IRF5: variants seen among roughly 807,000 people sequenced by gnomAD.
IRF5 encodes the protein interferon regulatory factor 5.
In IRF5, 24 loss-of-function variants were observed where a neutral mutation model predicts 55.1. The observed-to-expected ratio is 0.44, with a 90% CI of 0.32 to 0.61. The LOEUF (loss-of-function observed/expected upper bound fraction) is 0.61. Ranked by LOEUF, IRF5 falls within the 20% of genes least tolerant of loss-of-function variation. The pLI is 0.07. For missense variants in IRF5, 499 were observed against 658.5 expected (o/e 0.76, Z 2.65); for synonymous variants, 258 against 260.2 (o/e 0.99, Z 0.08).
Position 128,947,221 on chromosome 7 carries a change from T to A in IRF5, c.482-9T>A, listed in dbSNP as rs763853916. Reference sequence around the variant, plus strand: ...GGCACTGACAGCCGTCCACACGCACTCTCTGTAGATGCAGTGCAGTCTGGC... The same window carrying A: ...GGCACTGACAGCCGTCCACACGCACACTCTGTAGATGCAGTGCAGTCTGGC... On this transcript the variant is annotated splice_polypyrimidine_tract_variant and intron_variant, in intron 5 of 8. Transcript: ENST00000357234. This position sits in a 1 kb window ranked among gnomAD's most constrained non-coding sequence, Gnocchi z 6.5. 1.3e-6 allele frequency: 2 copies of A among 1,599,224 alleles called. No homozygotes were observed. The highest frequency in any genetic ancestry group is 4.5e-5 in the East Asian group (2 of 44,732).
Position 128,948,777 on chromosome 7 carries a change from G to A in IRF5, c.1504G>A (p.Gly502Ser), listed in dbSNP as rs145965576. The change falls in exon 9 of 9, where the codon GGC becomes AGC. Residue 502 changes from glycine (G) to serine (S), a missense_variant. Coordinates refer to ENST00000357234, the MANE Select transcript of IRF5 (RefSeq NM_001098629.3). The surrounding 1 kb of genome is among the most constrained non-coding windows in gnomAD (Gnocchi z 4.6). Reference sequence around the variant, plus strand: ...CCCTCCTGGAGCAGGCCTTGGTGTTGGCCAGGGGCCCTGGCCTATGCACCC... The same window carrying A: ...CCCTCCTGGAGCAGGCCTTGGTGTTAGCCAGGGGCCCTGGCCTATGCACCC... Reference protein sequence around the residue: ...QAPPGAGLGVGQGPWPMHPAG... With the variant: ...QAPPGAGLGVSQGPWPMHPAG... 245 of 1,609,442 alleles carry A rather than the reference G, an allele frequency of 1.5e-4. No homozygotes were observed. In the African/African-American group the frequency reaches 3.1e-3, roughly 20 times the overall value.
In IRF5 at chr7:128,947,758, C is replaced by CG; in HGVS notation, c.822dup (p.Arg275AlafsTer45). On this transcript the variant is annotated frameshift_variant, in exon 7 of 9. Transcript: ENST00000357234. LOFTEE classifies it high-confidence loss of function. The surrounding 1 kb of genome is among the most constrained non-coding windows in gnomAD (Gnocchi z 6.5). ...CGACCTGGAGATCAAGTTTCAGTAC[C>CG]GGGGGCGGCCACCCCGGGCCCTCAC... 2 of 1,611,134 alleles carry CG rather than the reference C, an allele frequency of 1.2e-6. No homozygotes were observed. Among genetic ancestry groups the CG allele is most frequent in the Non-Finnish European group, 1.7e-6 (2 of 1,179,312 alleles).
chr7:128,944,510 T>A (rs2128961740), intron 2 of IRF5, among the ~76,000 whole-genome samples: 1 of 152,320 alleles, frequency 6.6e-6, no homozygotes, highest in Non-Finnish European at 1.5e-5. Context: ...AGTCACAAAA[T>A]TCAACATTAA....
At chr7:128,938,467 A>G (rs1277323602) in intron 1 of IRF5, among the ~76,000 whole-genome samples, 1 of 152,162 alleles carries the variant, frequency 6.6e-6, no homozygotes, top group Admixed American at 6.5e-5. Context: ...TGGACCACAG[A>G]GGAGCGAGGC....
In IRF5 at chr7:128,948,632, A is replaced by G. The variant is rs1796460682; in HGVS notation, c.1359A>G (p.Ser453=). The G allele has an allele frequency of 1.2e-6, 2 of 1,614,180 alleles. No homozygotes were observed. The highest frequency in any genetic ancestry group is 4.5e-5 in the East Asian group (2 of 44,876). ...LEMFSGELSW[S]ADSIRLQISN... ...TGTTCTCAGGGGAGCTATCTTGGTC[A>G]GCTGATAGTATCCGGCTACAGATCT... The change falls in exon 9 of 9, where the codon TCA becomes TCG. Residue 453 remains serine (S), a synonymous_variant. Transcript: ENST00000357234. This position sits in a 1 kb window ranked among gnomAD's most constrained non-coding sequence, Gnocchi z 4.6.
At position 128,946,055 on chromosome 7, in the gene IRF5, T is replaced by A; in HGVS notation, c.385+21T>A. ...CACAGGTATCAGGCCTAGCCCTCTGTGGGCCACCTGGGAGGCTGTGCAATG... is the reference window on the plus strand; with the variant it reads ...CACAGGTATCAGGCCTAGCCCTCTGAGGGCCACCTGGGAGGCTGTGCAATG... On this transcript the variant is annotated intron_variant, in intron 3 of 8. Coordinates refer to ENST00000357234, the MANE Select transcript of IRF5 (RefSeq NM_001098629.3). This position sits in a 1 kb window ranked among gnomAD's most constrained non-coding sequence, Gnocchi z 4.2. 1 of 1,557,152 alleles carries A rather than the reference T, an allele frequency of 6.4e-7. No individual in the cohort carries two copies. Among genetic ancestry groups the A allele is most frequent in the East Asian group, 2.3e-5 (1 of 43,874 alleles).
rs1223589988 is a variant in IRF5, at chr7:128,949,409, TA to T, written c.*592del. ...ACAGACTCAGCTGTTTCTTTCCTTT[TA>T]CTACTACCAGTTGCTCCCATGCTGC... is the stretch of plus-strand genomic sequence containing the variant. On this transcript the variant is annotated 3_prime_UTR_variant, in exon 9 of 9. Coordinates refer to ENST00000357234, the MANE Select transcript of IRF5 (RefSeq NM_001098629.3). 3.3e-5 allele frequency: 5 copies of T among 152,380 alleles called. No homozygotes were observed. Among genetic ancestry groups the T allele is most frequent in the African/African-American group, 1.2e-4 (5 of 41,472 alleles). The allele number at this position is 152,380 out of a possible 1,614,324, so 9.4% of individuals were successfully genotyped here.
chr7:128,947,044 C>G lies in IRF5; in HGVS notation c.469C>G (p.Leu157Val). 6.2e-7 allele frequency: 1 copy of G among 1,614,128 alleles called. No individual in the cohort carries two copies. Among genetic ancestry groups the G allele is most frequent in the Non-Finnish European group, 8.5e-7 (1 of 1,180,008 alleles). ...EEELQRMLPS[L>V]SLTDAVQSGP... ...TCAGCTGCAGAGGATGTTGCCAAGC[C>G]TGAGCCTCACAGGTGGGGCCGGGAG... Residue 157 changes from leucine (L) to valine (V), a missense_variant, in exon 5 of 9, where the codon CTG becomes GTG. This residue lies in a region of IRF5 where 305 missense variants were observed against 340.2 expected (regional missense o/e 0.90). Coordinates refer to ENST00000357234, the MANE Select transcript of IRF5 (RefSeq NM_001098629.3). The surrounding 1 kb of genome is among the most constrained non-coding windows in gnomAD (Gnocchi z 6.5).
chr7:128,941,843 G>A (rs1796039131), intron 1 of IRF5, among the ~76,000 whole-genome samples: 1 of 152,166 alleles, frequency 6.6e-6, no homozygotes, highest in Non-Finnish European at 1.5e-5. Flanking sequence ...AAGGGCACCT[G>A]GGGCCGCGCC....
rs768458176 is a variant in IRF5 at position 128,948,322 on chromosome 7, T to C, written c.1293T>C (p.Thr431=). The C allele has an allele frequency of 6.2e-6, 10 of 1,601,764 alleles. No homozygotes were observed. Among genetic ancestry groups the C allele is most frequent in the South Asian group, 2.2e-5 (2 of 89,394 alleles). Residue 431 remains threonine (T), a synonymous_variant, in exon 8 of 9, where the codon ACT becomes ACC. Coordinates refer to ENST00000357234, the MANE Select transcript of IRF5 (RefSeq NM_001098629.3). This position sits in a 1 kb window ranked among gnomAD's most constrained non-coding sequence, Gnocchi z 4.6. The stretch of plus-strand genomic sequence containing the variant: ...AACCCCGAGAGAAGAAGCTCATTAC[T>C]GTACAGGTACATCTCCCCTATCCCA... ...DRKPREKKLI[T]VQVVPVAARL...
In IRF5 at chr7:128,949,678, AG is replaced by A. The variant is rs1395514227; in HGVS notation, c.*861del. 1 of 152,278 alleles carries A rather than the reference AG, an allele frequency of 6.6e-6. No individual in the cohort carries two copies. Among genetic ancestry groups the A allele is most frequent in the African/African-American group, 2.4e-5 (1 of 41,474 alleles). The allele number at this position is 152,278 out of a possible 1,614,324, so 9.4% of individuals were successfully genotyped here. ...CAGTTTTCCCATAAAAGGGTGGGCT[AG>A]CATTGCAGCTGCATTTGGGACCATT... On this transcript the variant is annotated 3_prime_UTR_variant, in exon 9 of 9. Transcript: ENST00000357234.
At position 128,946,179 on chromosome 7, in the gene IRF5, T is replaced by C; in HGVS notation, c.385+145T>C. The C allele has an allele frequency of 1.2e-6, 1 of 810,778 alleles. No individual in the cohort carries two copies. 50.2% of individuals were successfully genotyped at this position (810,778 alleles called of 1,614,324 possible). On this transcript the variant is annotated intron_variant, in intron 3 of 8. Coordinates refer to ENST00000357234, the MANE Select transcript of IRF5 (RefSeq NM_001098629.3). This position sits in a 1 kb window ranked among gnomAD's most constrained non-coding sequence, Gnocchi z 4.2. ...CGATGCGGGGGCTCCCGCTAGGTCA[T>C]GACACCCAGGGCTTCCAGGAGTGGC...
intron 1 of IRF5, 78 bp downstream of exon 1, chr7:128,938,127 A>T (rs1252621496): frequency 3.9e-5 from 6 of 151,912 alleles, no homozygotes; most frequent in Non-Finnish European, 8.8e-5. Flanking sequence ...GGTGCCGGCT[A>T]CTGCCCCCAA....
At position 128,946,815 on chromosome 7, in the gene IRF5, A is replaced by T; in HGVS notation, c.448-208A>T. Reference sequence around the variant, plus strand: ...GTAGGTCTGACTCCCTGCAGAAGGCAAATGAGGAAAGTGAGGCAAAGGGCT... The same window carrying T: ...GTAGGTCTGACTCCCTGCAGAAGGCTAATGAGGAAAGTGAGGCAAAGGGCT... On this transcript the variant is annotated intron_variant, in intron 4 of 8. Transcript: ENST00000357234. The surrounding 1 kb of genome is among the most constrained non-coding windows in gnomAD (Gnocchi z 4.2). 1 of 678,444 alleles carries T rather than the reference A, an allele frequency of 1.5e-6. No individual in the cohort carries two copies. Among genetic ancestry groups the T allele is most frequent in the South Asian group, 1.8e-5 (1 of 55,942 alleles). 42.0% of individuals were successfully genotyped at this position (678,444 alleles called of 1,614,324 possible).
At position 128,946,550 on chromosome 7, in the gene IRF5, A is replaced by G; in HGVS notation, c.435A>G (p.Glu145=). ...DYSFGAGEEE[E]EEEELQRMLP... ...CTTTTGGTGCAGGAGAGGAGGAGGA[A>G]GAAGAGGAAGAGGTGAGTGTGGGTT... The change falls in exon 4 of 9, where the codon GAA becomes GAG. Residue 145 remains glutamate, a synonymous_variant. Coordinates refer to ENST00000357234, the MANE Select transcript of IRF5 (RefSeq NM_001098629.3). The surrounding 1 kb of genome is among the most constrained non-coding windows in gnomAD (Gnocchi z 4.2). 6.2e-7 allele frequency: 1 copy of G among 1,602,890 alleles called. No homozygotes were observed. Among genetic ancestry groups the G allele is most frequent in the Non-Finnish European group, 8.5e-7 (1 of 1,173,726 alleles).
At chr7:128,945,072 G>T (rs1796227838) in intron 2 of IRF5, among the ~76,000 whole-genome samples, 1 of 152,172 alleles carries the variant, frequency 6.6e-6, no homozygotes. Flanking sequence ...TCTCGAGCCT[G>T]TCCTATGTGC....
rs1459751179 is a variant in IRF5, at chr7:128,948,982, C to T, written c.*164C>T. The T allele has an allele frequency of 1.2e-6, 1 of 816,244 alleles. No individual in the cohort carries two copies. The highest frequency in any genetic ancestry group is 1.9e-6 in the Non-Finnish European group (1 of 533,926). The allele number at this position is 816,244 out of a possible 1,614,324, so 50.6% of individuals were successfully genotyped here. The stretch of plus-strand genomic sequence containing the variant: ...AGGAGAGGGAGAAAGGCCCGAGCCC[C>T]TGCCTTCCCGGGCCTTTCTCTCCTG... On this transcript the variant is annotated 3_prime_UTR_variant, in exon 9 of 9. Transcript: ENST00000357234. The surrounding 1 kb of genome is among the most constrained non-coding windows in gnomAD (Gnocchi z 4.6).
rs1382042040 is a variant in IRF5, at chr7:128,948,299, C to T, written c.1270C>T (p.Pro424Ser). ...TGGGGAAGAATGGCCTGACCGCAAA[C>T]CCCGAGAGAAGAAGCTCATTACTGT... is the stretch of plus-strand genomic sequence containing the variant. ...CFGEEWPDRK[P>S]REKKLITVQV... Residue 424 changes from proline to serine, a missense_variant, in exon 8 of 9, where the codon CCC becomes TCC. By Grantham distance (74) the Pro-to-Ser change is moderately conservative. Transcript: ENST00000357234. This position sits in a 1 kb window ranked among gnomAD's most constrained non-coding sequence, Gnocchi z 4.6. 4 of 1,610,536 alleles carry T rather than the reference C, an allele frequency of 2.5e-6. No individual in the cohort carries two copies. The highest frequency in any genetic ancestry group is 3.4e-6 in the Non-Finnish European group (4 of 1,178,908).
In IRF5 at chr7:128,948,126, G is replaced by A. The variant is rs1453370224; in HGVS notation, c.1180+5G>A. ...GCCTGGAGCATTTTCTCAATGGTGA[G>A]GGCCCAAAGCTGTGATCCTCCTGGC... On this transcript the variant is annotated splice_donor_5th_base_variant and intron_variant, in intron 7 of 8. Coordinates refer to ENST00000357234, the MANE Select transcript of IRF5 (RefSeq NM_001098629.3). The surrounding 1 kb of genome is among the most constrained non-coding windows in gnomAD (Gnocchi z 4.6). 6 of 1,613,568 alleles carry A rather than the reference G, an allele frequency of 3.7e-6. No individual in the cohort carries two copies. The highest frequency in any genetic ancestry group is 4.2e-6 in the Non-Finnish European group (5 of 1,179,534).
Sources: allele counts gnomAD v4.1 joint callset (sites outside exome capture counted in the v4.1 genomes callset), GRCh38; gene constraint gnomAD v4.1.1; regional missense constraint gnomAD v4.1.1; non-coding constraint Gnocchi (gnomAD v3.1); transcripts MANE v1.5; gene names NCBI Gene and HGNC (gene_info 2026-07-23, HGNC 2026-07-21).